Variants in FBXO34 observed in about 807,000 individuals in gnomAD.
The protein encoded by FBXO34 is F-box only protein 34.
A neutral mutation model predicts 24.5 loss-of-function variants in FBXO34; 12 were observed. The observed-to-expected ratio is 0.49, with a 90% CI of 0.31 to 0.79. The LOEUF is 0.79. Among genes scored for constraint, FBXO34 ranks in the 30% least tolerant of loss-of-function variants. The pLI is 0.04. For missense variants in FBXO34, 823 were observed against 857.7 expected, an observed-to-expected ratio of 0.96 and a Z score of 0.51; for synonymous variants, 320 against 311.9, an observed-to-expected ratio of 1.03 and a Z score of -0.27.
At chr14:55,394,730 G>A in the FBXO34 span, among the ~76,000 whole-genome samples, 7 of 152,052 alleles carry the variant, frequency 4.6e-5, no homozygotes, top group East Asian at 1.9e-4. Flanking sequence ...AAAACAACAC[G>A]GGAACAGAAG....
downstream of FBXO34, chr14:55,369,288 T>TGGGCCCGG (rs1884756351): frequency 5.2e-6 from 1 of 191,330 alleles, no homozygotes; most frequent in Admixed American, 5.9e-5. Flanking sequence ...CCCATATCTG[T>TGGGCCCGG]GGGCCCGGTG....
intron 3 of FBXO34, among the ~76,000 whole-genome samples, chr14:55,361,526 TGA>T (rs1208805137): frequency 2.6e-5 from 4 of 152,216 alleles, no homozygotes; most frequent in Non-Finnish European, 5.9e-5. Context: ...TAGCCCCTAA[TGA>T]GAGAGTCAGC....
the FBXO34 span, among the ~76,000 whole-genome samples, chr14:55,404,826 A>G: frequency 1.3e-5 from 2 of 152,216 alleles, no homozygotes; most frequent in African/African-American, 4.8e-5. Flanking sequence ...TCAGATCTAA[A>G]TGTGAACTTA....
chr14:55,364,579 G>A (rs1415375480), downstream of FBXO34, among the ~76,000 whole-genome samples: 8 of 151,442 alleles, frequency 5.3e-5, no homozygotes, highest in Non-Finnish European at 1.0e-4. Flanking sequence ...CATGCACCAC[G>A]ACACCTGGCT....
chr14:55,425,922 C>G, the FBXO34 span, among the ~76,000 whole-genome samples: 1 of 152,232 alleles, frequency 6.6e-6, no homozygotes, highest in South Asian at 2.1e-4. Flanking sequence ...TGGTAGTCAC[C>G]TAGATCTTAT....
chr14:55,429,557 A>G, the FBXO34 span, among the ~76,000 whole-genome samples: 1 of 152,210 alleles, frequency 6.6e-6, no homozygotes, highest in Non-Finnish European at 1.5e-5. Flanking sequence ...TGAGGACAGT[A>G]GCTCGAGACC....
chr14:55,433,982 A>G, the FBXO34 span, among the ~76,000 whole-genome samples: 2 of 152,202 alleles, frequency 1.3e-5, no homozygotes, highest in African/African-American at 4.8e-5. Context: ...GATAGGATGA[A>G]CTTGTGTTTA....
chr14:55,403,961 T>C, the FBXO34 span, among the ~76,000 whole-genome samples: 1 of 152,204 alleles, frequency 6.6e-6, no homozygotes, highest in African/African-American at 2.4e-5. Context: ...CTACATCTTG[T>C]TTGAAGAAAA....
At chr14:55,431,504 A>G in the FBXO34 span, among the ~76,000 whole-genome samples, 1 of 152,216 alleles carries the variant, frequency 6.6e-6, no homozygotes, top group Non-Finnish European at 1.5e-5. Context: ...ATGACTTCAA[A>G]TTGAAACCCT....
the FBXO34 span, among the ~76,000 whole-genome samples, chr14:55,421,962 G>A: frequency 6.6e-6 from 1 of 152,102 alleles, no homozygotes; most frequent in Non-Finnish European, 1.5e-5. Flanking sequence ...ATTCTAGTTT[G>A]GAGGAATATA....
chr14:55,304,230 G>C (rs1473748151), intron 1 of FBXO34, among the ~76,000 whole-genome samples: 1 of 152,108 alleles, frequency 6.6e-6, no homozygotes, highest in African/African-American at 2.4e-5. Context: ...ACCATGTATT[G>C]AGTGCTGTAC....
exon 3 of FBXO34, chr14:55,367,349 T>C (rs897135895): frequency 6.6e-6 from 1 of 152,222 alleles, no homozygotes; most frequent in Non-Finnish European, 1.5e-5. Context: ...AAGTCTACCA[T>C]CTTCACTCTC....
At chr14:55,275,261 C>T (rs952220192) in intron 1 of FBXO34, among the ~76,000 whole-genome samples, 2 of 152,152 alleles carry the variant, frequency 1.3e-5, no homozygotes, top group African/African-American at 4.8e-5. Context: ...CTTCAGAAAC[C>T]TAACATGTAC....
At chr14:55,406,579 C>A in the FBXO34 span, among the ~76,000 whole-genome samples, 1 of 152,248 alleles carries the variant, frequency 6.6e-6, no homozygotes, top group Admixed American at 6.5e-5. Context: ...CTCTGTATTG[C>A]CAGAAAATTT....
the FBXO34 span, among the ~76,000 whole-genome samples, chr14:55,389,496 A>T: frequency 2.0e-5 from 3 of 152,192 alleles, no homozygotes; most frequent in African/African-American, 7.2e-5. Context: ...AATGTTTTCA[A>T]TGGAAGCTTT....
At chr14:55,313,503 G>C (rs1474225052) in intron 1 of FBXO34, among the ~76,000 whole-genome samples, 2 of 152,114 alleles carry the variant, frequency 1.3e-5, no homozygotes, top group African/African-American at 2.4e-5. Flanking sequence ...CCCCACTCTT[G>C]ATATCAATTT....
intron 1 of FBXO34, among the ~76,000 whole-genome samples, chr14:55,334,603 C>A (rs571581690): frequency 6.6e-6 from 1 of 152,072 alleles, no homozygotes; most frequent in South Asian, 2.1e-4. Flanking sequence ...TCAGTAGTTG[C>A]AGTGGGTAAA....
chr14:55,367,979 A>G (rs970672659), exon 3 of FBXO34: 1 of 152,638 alleles, frequency 6.6e-6, no homozygotes, highest in Non-Finnish European at 1.5e-5. Flanking sequence ...GGGCATGGCA[A>G]ACCTCTGAAT....
downstream of FBXO34, chr14:55,368,748 C>G (rs1333612520): frequency 1.3e-5 from 2 of 152,178 alleles, no homozygotes; most frequent in African/African-American, 4.8e-5. Context: ...GTGGCTTTTC[C>G]CCTGTGCCCA....
Sources: gnomAD v4.1 joint callset for allele counts (sites outside exome capture counted in the v4.1 genomes callset) on GRCh38, gnomAD v4.1.1 for gene constraint, MANE v1.5 for transcripts, NCBI Gene and HGNC (gene_info 2026-07-23, HGNC 2026-07-21) for gene names.